The following TERT variants were observed in gnomAD, a reference collection of about 807,000 sequenced individuals.
TERT encodes telomerase catalytic subunit.
In TERT, 42 loss-of-function variants were observed where a neutral mutation model predicts 104.0. The ratio of observed to expected loss-of-function variants is 0.40; its 90% CI spans 0.32 to 0.52. The LOEUF (loss-of-function observed/expected upper bound fraction) is 0.52. Ranked by LOEUF, TERT falls within the 20% of genes least tolerant of loss-of-function variation. The probability of loss-of-function intolerance (pLI) is 0.43; values close to 1 mark genes in which losing one functional copy is unlikely to be tolerated. For missense variants in TERT, 1,101 were observed against 1,610.3 expected (o/e 0.68, Z 5.41); for synonymous variants, 781 against 725.6 (o/e 1.08, Z -1.23).
chr5:1,289,681 A>G (rs1432433635), intron 2 of TERT, among the ~76,000 whole-genome samples: 1 of 23,546 alleles, frequency 4.2e-5, no homozygotes, highest in Non-Finnish European at 7.9e-5. Context: ...CCTCGCGTCA[A>G]TCACCCTGCA....
intron 14 of TERT, 81 bp from the exon 15 acceptor site, chr5:1,254,586 G>A (rs952614541): frequency 5.6e-5 from 84 of 1,503,518 alleles, no homozygotes; most frequent in Middle Eastern, 2.3e-4. Context: ...GCCCACACCC[G>A]ACGGTCTGCG....
At position 1,255,184 on chromosome 5, in the gene TERT, A is replaced by C; in HGVS notation, c.3157+103T>G. 1 of 1,481,338 alleles carries C rather than the reference A, an allele frequency of 6.8e-7. No individual in the cohort carries two copies. The highest frequency in any genetic ancestry group is 1.2e-5 in the South Asian group (1 of 83,064). The allele number at this position is 1,481,338 out of a possible 1,614,324, so 91.8% of individuals were successfully genotyped here. The stretch of plus-strand genomic sequence containing the variant: ...TTGGGTTAAACCACTTCCTGATGCG[A>C]AAAGGGGTAAGAACTTCCTAAGCCC... On this transcript the variant is annotated intron_variant, in intron 14 of 15. Transcript: ENST00000310581. The surrounding 1 kb of genome is among the most constrained non-coding windows in gnomAD (Gnocchi z 6.9).
intron 7 of TERT, 66 bp from the exon 8 acceptor site, chr5:1,271,270 G>C: frequency 8.5e-7 from 1 of 1,171,584 alleles, no homozygotes; most frequent in Non-Finnish European, 1.3e-6. Context: ...AGGACCACGT[G>C]GCCAAGACCC....
In TERT at chr5:1,272,128, C is replaced by A. The variant is rs555436603; in HGVS notation, c.2382+57G>T. ...TCCGGTCATGAGCCCAGTGATTGCC[C>A]AGGGGAGGACCCACTGCTGGGAGTC... On this transcript the variant is annotated intron_variant, in intron 7 of 15. Coordinates refer to ENST00000310581, the MANE Select transcript of TERT (RefSeq NM_198253.3). 2.2e-4 allele frequency: 307 copies of A among 1,396,700 alleles called. No individual in the cohort carries two copies. The South Asian group carries it at 3.6e-3, about 16-fold the overall frequency. 86.5% of individuals were successfully genotyped at this position (1,396,700 alleles called of 1,614,324 possible). A position where few individuals can be genotyped will look rare whatever the true frequency, so the allele number is the denominator to read the frequency against.
chr5:1,273,715 G>A (rs1349260995), intron 6 of TERT, among the ~76,000 whole-genome samples: 3 of 19,420 alleles, frequency 1.5e-4, no homozygotes, highest in African/African-American at 5.5e-4. Flanking sequence ...CAGACCCCAC[G>A]ACCGCCATCC....
In TERT at chr5:1,278,810, G is replaced by A. The variant is rs761187544; in HGVS notation, c.2131-14C>T. 2.0e-5 allele frequency: 32 copies of A among 1,613,598 alleles called. No homozygotes were observed. The African/African-American group carries it at 3.5e-4, about 17-fold the overall frequency. ...CGTCACATCCACCTGTGTGAGTGGA[G>A]GCGAGGAGACTGACAGTGGCCACGC... On this transcript the variant is annotated splice_polypyrimidine_tract_variant and intron_variant, in intron 5 of 15. Coordinates refer to ENST00000310581, the MANE Select transcript of TERT (RefSeq NM_198253.3).
At position 1,286,962 on chromosome 5, in the gene TERT, A is replaced by G. The variant is rs1038662072; in HGVS notation, c.1574-4338T>C. On this transcript the variant is annotated intron_variant, in intron 2 of 15. Transcript: ENST00000310581. The surrounding 1 kb of genome is among the most constrained non-coding windows in gnomAD (Gnocchi z 5.3). The stretch of plus-strand genomic sequence containing the variant: ...TAAAAGCAAATGCCCAGTGACCAGG[A>G]GGCAACGAGAGGATCAACACACACT... Among the ~76,000 whole-genome samples, 5 of 152,146 alleles carry G rather than the reference A, an allele frequency of 3.3e-5. No individual in the cohort carries two copies. The highest frequency in any genetic ancestry group is 4.8e-5 in the African/African-American group (2 of 41,420).
chr5:1,290,342 A>G (rs1349615056), intron 2 of TERT, among the ~76,000 whole-genome samples: 1 of 56,336 alleles, frequency 1.8e-5, no homozygotes, highest in Non-Finnish European at 3.2e-5. Flanking sequence ...ACACCCGGGG[A>G]CGGCACCTCA....
At chr5:1,284,395 T>A (rs11951797) in intron 2 of TERT, among the ~76,000 whole-genome samples, 24 of 25,836 alleles carry the variant, frequency 9.3e-4, no homozygotes, top group East Asian at 4.5e-3. Context: ...ACCTCACCCC[T>A]GACCTGCACC....
intron 11 of TERT, 38 bp downstream of exon 11, chr5:1,264,366 G>T: frequency 6.3e-7 from 1 of 1,583,482 alleles, no homozygotes; most frequent in Admixed American, 1.8e-5. Context: ...ACCTGCCCCA[G>T]CCGGGCACAG....
intron 13 of TERT, among the ~76,000 whole-genome samples, chr5:1,258,160 C>G (rs779697645): frequency 3.3e-5 from 5 of 152,196 alleles, no homozygotes; most frequent in African/African-American, 4.8e-5. Context: ...TGCACCTTCC[C>G]GGGGGTGGGG....
intron 15 of TERT, 71 bp downstream of exon 15, chr5:1,254,297 C>T (rs918638644): frequency 3.7e-5 from 60 of 1,604,838 alleles, no homozygotes; most frequent in South Asian, 3.3e-4. Context: ...TGAGGCTGCT[C>T]GCCCCACACA....
rs1260414190 is a variant in TERT at position 1,255,204 on chromosome 5, A to T, written c.3157+83T>A. 1 of 1,558,402 alleles carries T rather than the reference A, an allele frequency of 6.4e-7. No individual in the cohort carries two copies. ...ATGCGAAAAGGGGTAAGAACTTCCTAAGCCCAGATTCACTCAGTCTCCTGA... is the reference window on the plus strand; with the variant it reads ...ATGCGAAAAGGGGTAAGAACTTCCTTAGCCCAGATTCACTCAGTCTCCTGA... On this transcript the variant is annotated intron_variant, in intron 14 of 15. Coordinates refer to ENST00000310581, the MANE Select transcript of TERT (RefSeq NM_198253.3). This position sits in a 1 kb window ranked among gnomAD's most constrained non-coding sequence, Gnocchi z 6.9.
At position 1,294,888 on chromosome 5, in the gene TERT, C is replaced by T. The variant is rs1751296255; in HGVS notation, c.102G>A (p.Gln34=). Residue 34 remains glutamine, a synonymous_variant, in exon 1 of 16, where the codon CAG becomes CAA. Coordinates refer to ENST00000310581, the MANE Select transcript of TERT (RefSeq NM_198253.3). The stretch of plus-strand genomic sequence containing the variant: ...CCCCGCGCTGCACCAGCCGCCAGCC[C>T]TGGGGCCCCAGGCGCCGCACGAACG... ...LATFVRRLGP[Q]GWRLVQRGDP... is the part of the protein sequence containing the mutation. 4 of 1,437,134 alleles carry T rather than the reference C, an allele frequency of 2.8e-6. No homozygotes were observed. Among genetic ancestry groups the T allele is most frequent in the East Asian group, 3.0e-5 (1 of 33,236 alleles). 89.0% of individuals were successfully genotyped at this position (1,437,134 alleles called of 1,614,324 possible).
At chr5:1,283,236 G>C (rs1157385437) in intron 2 of TERT, among the ~76,000 whole-genome samples, 1 of 136,840 alleles carries the variant, frequency 7.3e-6, no homozygotes, top group Non-Finnish European at 1.6e-5. Flanking sequence ...ACCTCACCCC[G>C]GACCTGCACC....
chr5:1,295,002 CG>C lies in TERT; in HGVS notation c.-14del. ...GAGCGCGCGGCATCGCGGGGGTGGCCGGGGCCAGGGCTTCCCACGTGCGCAG... is the reference window on the plus strand; with the variant it reads ...GAGCGCGCGGCATCGCGGGGGTGGCCGGGCCAGGGCTTCCCACGTGCGCAG... On this transcript the variant is annotated 5_prime_UTR_variant, in exon 1 of 16. Transcript: ENST00000310581. The C allele has an allele frequency of 1.5e-6, 2 of 1,308,972 alleles. No individual in the cohort carries two copies. The highest frequency in any genetic ancestry group is 2.3e-5 in the South Asian group (1 of 42,720). 81.1% of individuals were successfully genotyped at this position (1,308,972 alleles called of 1,614,324 possible). A position where few individuals can be genotyped will look rare whatever the true frequency, so the allele number is the denominator to read the frequency against.
intron 9 of TERT, among the ~76,000 whole-genome samples, chr5:1,267,680 T>C (rs1748711623): frequency 6.6e-6 from 1 of 152,196 alleles, no homozygotes; most frequent in Non-Finnish European, 1.5e-5. Flanking sequence ...TCATGTCCTT[T>C]GTAGGGACAT....
At position 1,286,597 on chromosome 5, in the gene TERT, G is replaced by T. The variant is rs537613273; in HGVS notation, c.1574-3973C>A. On this transcript the variant is annotated intron_variant, in intron 2 of 15. Coordinates refer to ENST00000310581, the MANE Select transcript of TERT (RefSeq NM_198253.3). This position sits in a 1 kb window ranked among gnomAD's most constrained non-coding sequence, Gnocchi z 5.3. ...ACTTCATTTTAAAAGATCAAGGTAT[G>T]CCGGGCACGGTGGCTTGCACCTGTA... Among the ~76,000 whole-genome samples, 22 of 152,292 alleles carry T rather than the reference G, an allele frequency of 1.4e-4. No homozygotes were observed. Among genetic ancestry groups the T allele is most frequent in the South Asian group, 1.0e-3 (5 of 4,818 alleles).
In TERT at chr5:1,294,106, GC is replaced by G; in HGVS notation, c.779del (p.Gly260AlafsTer91). ...CACGGTCACTCGGTCCACGCGTCCT[GC>G]CCGGGTGGGCCCAGGACCCCTGCCC... Reference protein sequence around the residue: ...PVGQGSWAHPGRTRGPSDRGF... With the variant: ...PVGQGSWAHPXRTRGPSDRGF... On this transcript the variant is annotated frameshift_variant, in exon 2 of 16. Coordinates refer to ENST00000310581, the MANE Select transcript of TERT (RefSeq NM_198253.3). LOFTEE classifies it high-confidence loss of function. 1 of 1,584,980 alleles carries G rather than the reference GC, an allele frequency of 6.3e-7. No homozygotes were observed. Among genetic ancestry groups the G allele is most frequent in the East Asian group, 2.3e-5 (1 of 42,912 alleles).
Sources: gnomAD v4.1 joint callset for allele counts (sites outside exome capture counted in the v4.1 genomes callset) on GRCh38, gnomAD v4.1.1 for gene constraint, Gnocchi (gnomAD v3.1) non-coding constraint, MANE v1.5 for transcripts, NCBI Gene and HGNC (gene_info 2026-07-23, HGNC 2026-07-21) for gene names.